USP53: variants seen among roughly 807,000 people sequenced by gnomAD.
The protein encoded by USP53 is ubiquitin specific peptidase 53.
In USP53, 71 loss-of-function variants were observed where a neutral mutation model predicts 94.9. The observed-to-expected ratio is 0.75, with a 90% CI of 0.62 to 0.91. The LOEUF (loss-of-function observed/expected upper bound fraction) is 0.91, where lower values mean the gene tolerates loss of function less well. USP53 is among the 40% of genes least tolerant of loss of function. The pLI, the probability that USP53 is intolerant of heterozygous loss-of-function variation, is 0.00. For missense variants in USP53, 1,173 were observed against 1,281.0 expected (o/e 0.92, Z 1.29); for synonymous variants, 375 against 422.7 (o/e 0.89, Z 1.39).
chr4:119,252,822 T>C lies in USP53; in HGVS notation c.373-3424T>C, dbSNP rs553345699. On this transcript the variant is annotated intron_variant, in intron 7 of 18. Coordinates refer to ENST00000692078, the MANE Select transcript of USP53 (RefSeq NM_001371395.1). ...GCTTCTCTTGTTCCTTTAATTATGATGTTAGGGTGTCAATTTTAGGTATCT... is the reference window on the plus strand; with the variant it reads ...GCTTCTCTTGTTCCTTTAATTATGACGTTAGGGTGTCAATTTTAGGTATCT... 8.5e-5 allele frequency among the ~76,000 whole-genome samples: 13 copies of C among 152,300 alleles called. No individual in the cohort carries two copies. The South Asian group carries it at 2.5e-3, about 29-fold the overall frequency.
At chr4:119,262,575 A>C (rs889223463) in intron 12 of USP53, among the ~76,000 whole-genome samples, 1 of 152,172 alleles carries the variant, frequency 6.6e-6, no homozygotes, top group African/African-American at 2.4e-5. Context: ...TATATTTACC[A>C]CTCACTAAGT....
chr4:119,292,131 T>G (rs1199661842), intron 18 of USP53, among the ~76,000 whole-genome samples: 4 of 152,156 alleles, frequency 2.6e-5, no homozygotes, highest in African/African-American at 7.2e-5. Context: ...TGGTAAACAC[T>G]CACATATTCT....
At chr4:119,227,499 G>A (rs893713931) in intron 3 of USP53, among the ~76,000 whole-genome samples, 1 of 152,118 alleles carries the variant, frequency 6.6e-6, no homozygotes, top group Admixed American at 6.5e-5. Context: ...GCGTGGTGGC[G>A]GGCGCCTGTA....
intron 7 of USP53, 25 bp downstream of exon 7, chr4:119,248,907 G>A: frequency 6.2e-7 from 1 of 1,613,158 alleles, no homozygotes; most frequent in South Asian, 1.1e-5. Context: ...TATTCCTTAA[G>A]AAGTCAGGAT....
intron 4 of USP53, among the ~76,000 whole-genome samples, chr4:119,238,486 A>G (rs1578445515): frequency 6.6e-6 from 1 of 152,326 alleles, no homozygotes; most frequent in East Asian, 1.9e-4. Context: ...TGGAAACATC[A>G]AAGATAACTT....
At chr4:119,282,852 C>T (rs986097785) in intron 17 of USP53, among the ~76,000 whole-genome samples, 10 of 151,956 alleles carry the variant, frequency 6.6e-5, no homozygotes, top group Admixed American at 3.9e-4. Context: ...GGCACACTTA[C>T]ATTACTGACC....
intron 3 of USP53, among the ~76,000 whole-genome samples, chr4:119,234,786 C>T (rs1188906185): frequency 6.6e-6 from 1 of 152,128 alleles, no homozygotes; most frequent in East Asian, 1.9e-4. Flanking sequence ...ACATTTATCC[C>T]TCAGTGGATT....
chr4:119,213,919 T>C (rs1042147528), intron 1 of USP53, among the ~76,000 whole-genome samples, 151 bp from the exon 2 acceptor site: 1 of 136,466 alleles, frequency 7.3e-6, no homozygotes, highest in African/African-American at 2.8e-5. Flanking sequence ...AGGAAGGTTT[T>C]TGTGATTAAG....
At chr4:119,286,877 GA>G (rs1157434980) in intron 17 of USP53, among the ~76,000 whole-genome samples, 1 of 151,616 alleles carries the variant, frequency 6.6e-6, no homozygotes, top group Non-Finnish European at 1.5e-5. Flanking sequence ...CAAAGTTTTC[GA>G]GCCTCAGGCA....
intron 3 of USP53, among the ~76,000 whole-genome samples, chr4:119,233,854 G>A (rs1358231420): frequency 6.6e-6 from 1 of 152,160 alleles, no homozygotes; most frequent in Non-Finnish European, 1.5e-5. Flanking sequence ...GGGGAGCAGG[G>A]TGAAAGACTA....
chr4:119,271,522 T>A lies in USP53; in HGVS notation c.1662T>A (p.Asn554Lys). ...TAACTGGCAAAGTTAAGAGTGACAA[T>A]GGCACTGGATATGACACAGACAGCA... is the stretch of plus-strand genomic sequence containing the variant. ...EKITGKVKSD[N>K]GTGYDTDSSQ... The change falls in exon 16 of 19, where the codon AAT becomes AAA. Residue 554 changes from asparagine (N) to lysine (K), a missense_variant. Physicochemically the swap from Asn to Lys is moderately conservative, Grantham distance 94. Transcript: ENST00000692078. The A allele has an allele frequency of 6.2e-7, 1 of 1,613,480 alleles. No individual in the cohort carries two copies. The highest frequency in any genetic ancestry group is 8.5e-7 in the Non-Finnish European group (1 of 1,179,946).
intron 15 of USP53, among the ~76,000 whole-genome samples, 160 bp downstream of exon 15, chr4:119,269,997 A>C (rs1487412158): frequency 2.7e-5 from 4 of 147,962 alleles, no homozygotes; most frequent in Non-Finnish European, 1.5e-5. Context: ...TAATATAGAA[A>C]TATATAAATT....
chr4:119,256,433 C>A lies in USP53; in HGVS notation c.487-8C>A, dbSNP rs1262359233. 2 of 1,613,694 alleles carry A rather than the reference C, an allele frequency of 1.2e-6. No homozygotes were observed. The highest frequency in any genetic ancestry group is 1.7e-6 in the Non-Finnish European group (2 of 1,179,878). ...TGATAGATTAAACATATGTTTTTACCTATATAGTGTGTGTGTCGTAGCTGT... is the reference window on the plus strand; with the variant it reads ...TGATAGATTAAACATATGTTTTTACATATATAGTGTGTGTGTCGTAGCTGT... On this transcript the variant is annotated splice_region_variant and splice_polypyrimidine_tract_variant and intron_variant, in intron 8 of 18. Transcript: ENST00000692078.
Position 119,273,696 on chromosome 4 carries a change from C to A in USP53, c.2239C>A (p.His747Asn), listed in dbSNP as rs1024890692. ...GGACTGTACCTCCCTTCAGAGCCAACATCACTTAGAAGGTAAAAAACTTAT... is the reference window on the plus strand; with the variant it reads ...GGACTGTACCTCCCTTCAGAGCCAAAATCACTTAGAAGGTAAAAAACTTAT... ...RGDCTSLQSQ[H>N]HLEGFRKELR... The change falls in exon 17 of 19, where the codon CAT becomes AAT. Residue 747 changes from histidine (H) to asparagine (N), a missense_variant. By Grantham distance (68) the His-to-Asn change is moderately conservative (BLOSUM62 1). Coordinates refer to ENST00000692078, the MANE Select transcript of USP53 (RefSeq NM_001371395.1). 1 of 1,611,180 alleles carries A rather than the reference C, an allele frequency of 6.2e-7. No homozygotes were observed. The highest frequency in any genetic ancestry group is 1.7e-5 in the Admixed American group (1 of 59,896).
intron 7 of USP53, among the ~76,000 whole-genome samples, chr4:119,253,857 GGTT>G (rs1440107218): frequency 6.6e-6 from 1 of 152,126 alleles, no homozygotes; most frequent in Non-Finnish European, 1.5e-5. Flanking sequence ...GGCAGGTACC[GGTT>G]GTTCCTATCC....
chr4:119,215,948 AAAG>A (rs950851028), intron 2 of USP53, among the ~76,000 whole-genome samples: 5 of 152,240 alleles, frequency 3.3e-5, no homozygotes, highest in South Asian at 2.1e-4. Flanking sequence ...ATATTACAAA[AAAG>A]AAGTTTTAAG....
chr4:119,271,724 G>C lies in USP53; in HGVS notation c.1864G>C (p.Asp622His). 6.2e-7 allele frequency: 1 copy of C among 1,614,008 alleles called. No individual in the cohort carries two copies. The highest frequency in any genetic ancestry group is 8.5e-7 in the Non-Finnish European group (1 of 1,180,014). ...CAGTAATAAGCCTAAATCTAGCAAG[G>C]ATCCGAGTTTTAGTAATTGGCCAAA... Reference protein sequence around the residue: ...NISNKPKSSKDPSFSNWPKEN... With the variant: ...NISNKPKSSKHPSFSNWPKEN... Residue 622 changes from aspartate to histidine, a missense_variant, in exon 16 of 19, where the codon GAT becomes CAT. Asp to His is a moderately conservative substitution (Grantham distance 81). Transcript: ENST00000692078.
chr4:119,252,525 G>A (rs1159941376), intron 7 of USP53, among the ~76,000 whole-genome samples: 1 of 152,130 alleles, frequency 6.6e-6, no homozygotes, highest in Non-Finnish European at 1.5e-5. Context: ...TTGTGTAGAG[G>A]TATTTATAGT....
At position 119,291,173 on chromosome 4, in the gene USP53, AAAG is replaced by A; in HGVS notation, c.2263_2265del (p.Glu755del). On this transcript the variant is annotated inframe_deletion, in exon 18 of 19. Coordinates refer to ENST00000692078, the MANE Select transcript of USP53 (RefSeq NM_001371395.1). ...ACCCCACCCAACCCTAGGCTTTAGAAAAGAACTCAGGAATTTGGAAGCAGGCTA... is the reference window on the plus strand; with the variant it reads ...ACCCCACCCAACCCTAGGCTTTAGAAAACTCAGGAATTTGGAAGCAGGCTA... The A allele has an allele frequency of 1.3e-6, 2 of 1,564,752 alleles. No homozygotes were observed. The highest frequency in any genetic ancestry group is 1.7e-6 in the Non-Finnish European group (2 of 1,153,720).
Sources: allele counts gnomAD v4.1 joint callset (sites outside exome capture counted in the v4.1 genomes callset), GRCh38; gene constraint gnomAD v4.1.1; transcripts MANE v1.5; gene names NCBI Gene and HGNC (gene_info 2026-07-23, HGNC 2026-07-21).